UBE2Q2: variants seen among roughly 807,000 people sequenced by gnomAD.
UBE2Q2 encodes the protein ubiquitin-conjugating enzyme E2 Q2.
UBE2Q2 carries 54 observed loss-of-function variants against 59.9 expected under a neutral mutation model. That is an observed-to-expected ratio of 0.90 (90% CI 0.72 to 1.13). The LOEUF is 1.13. Ranked by LOEUF, UBE2Q2 falls within the 50% of genes most tolerant of loss-of-function variation. The probability of loss-of-function intolerance (pLI) is 0.00; values close to 1 mark genes in which losing one functional copy is unlikely to be tolerated. For missense variants in UBE2Q2, 433 were observed against 441.9 expected (o/e 0.98, Z 0.18); for synonymous variants, 165 against 155.2 (o/e 1.06, Z -0.47).
intron 3 of UBE2Q2, among the ~76,000 whole-genome samples, chr15:75,868,250 A>G (rs1043902937): frequency 3.3e-5 from 5 of 152,202 alleles, no homozygotes; most frequent in Non-Finnish European, 5.9e-5. Context: ...ATGTATAAAC[A>G]GTGTCCTGGC....
chr15:75,884,155 A>G (rs1898620886), intron 9 of UBE2Q2, among the ~76,000 whole-genome samples: 3 of 152,216 alleles, frequency 2.0e-5, no homozygotes, highest in African/African-American at 7.2e-5. Context: ...TTGTTAGGTT[A>G]GTTATGAAAT....
In UBE2Q2 at chr15:75,890,296, C is replaced by T. The variant is rs1899022837; in HGVS notation, c.885-139C>T. On this transcript the variant is annotated intron_variant, in intron 9 of 12. Coordinates refer to ENST00000267938, the MANE Select transcript of UBE2Q2 (RefSeq NM_173469.4). The stretch of plus-strand genomic sequence containing the variant: ...TTTTAAATTACCCATAGTCCTGTAT[C>T]CCTAACAACTGTTGTCATGTTTGCA... The T allele has an allele frequency of 1.3e-5, 8 of 626,812 alleles. No homozygotes were observed. In the Admixed American group the frequency reaches 2.0e-4, roughly 16 times the overall value. 38.8% of individuals were successfully genotyped at this position (626,812 alleles called of 1,614,324 possible).
At chr15:75,866,705 T>C (rs1897505400) in intron 3 of UBE2Q2, among the ~76,000 whole-genome samples, 2 of 152,162 alleles carry the variant, frequency 1.3e-5, no homozygotes, top group Admixed American at 1.3e-4. Flanking sequence ...TTTTTCTTAA[T>C]CATAAATACC....
chr15:75,866,469 G>T (rs184272985), intron 3 of UBE2Q2, among the ~76,000 whole-genome samples: 2 of 152,060 alleles, frequency 1.3e-5, no homozygotes, highest in African/African-American at 4.8e-5. Flanking sequence ...CACCGTGTCC[G>T]GCCTTCAGTA....
chr15:75,897,459 TCCGCCCGC>T (rs1899493927), intron 12 of UBE2Q2, among the ~76,000 whole-genome samples: 1 of 151,980 alleles, frequency 6.6e-6, no homozygotes, highest in African/African-American at 2.4e-5. Flanking sequence ...GACTTTGTGA[TCCGCCCGC>T]CTCGGCCTCC....
At chr15:75,886,734 A>G (rs1898796998) in intron 9 of UBE2Q2, among the ~76,000 whole-genome samples, 1 of 152,090 alleles carries the variant, frequency 6.6e-6, no homozygotes, top group Non-Finnish European at 1.5e-5. Context: ...TAAAAATACA[A>G]AAATTAGCTG....
intron 4 of UBE2Q2, 94 bp from the exon 5 acceptor site, chr15:75,873,334 C>A: frequency 1.6e-6 from 2 of 1,273,188 alleles, no homozygotes; most frequent in East Asian, 2.5e-5. Context: ...TCTTGTTCCT[C>A]ATTTGAGTCA....
chr15:75,878,949 G>T, intron 7 of UBE2Q2, 149 bp from the exon 8 acceptor site: 1 of 476,900 alleles, frequency 2.1e-6, no homozygotes, highest in East Asian at 3.4e-5. Flanking sequence ...TATTTTTCCT[G>T]GTGATACAGA....
chr15:75,884,762 A>T (rs1478897346), intron 9 of UBE2Q2, among the ~76,000 whole-genome samples: 1 of 151,966 alleles, frequency 6.6e-6, no homozygotes, highest in Non-Finnish European at 1.5e-5. Flanking sequence ...TGGGCTCAAG[A>T]TATCTTCCCA....
intron 1 of UBE2Q2, among the ~76,000 whole-genome samples, chr15:75,850,571 G>A (rs1896583619): frequency 6.6e-6 from 1 of 152,198 alleles, no homozygotes. Flanking sequence ...GGGTGGGCTG[G>A]TAGAGTCCTT....
chr15:75,875,455 C>G (rs1322043982), intron 5 of UBE2Q2, among the ~76,000 whole-genome samples: 8 of 152,188 alleles, frequency 5.3e-5, no homozygotes, highest in Admixed American at 5.2e-4. Flanking sequence ...CGCATGTAGG[C>G]AGATGTTTCT....
Position 75,843,828 on chromosome 15 carries a change from G to T in UBE2Q2, c.162G>T (p.Thr54=). Residue 54 remains threonine, a synonymous_variant, in exon 1 of 13, where the codon ACG becomes ACT. Coordinates refer to ENST00000267938, the MANE Select transcript of UBE2Q2 (RefSeq NM_173469.4). ...GSPHSLPPPL[T]LHCNITESYP... is the part of the protein sequence containing the mutation. ...CGCACTCGCTGCCGCCGCCACTCAC[G>T]CTCCACTGCAACATCACGGTGAGGC... is the stretch of plus-strand genomic sequence containing the variant. 1 of 1,595,356 alleles carries T rather than the reference G, an allele frequency of 6.3e-7. No individual in the cohort carries two copies. Among genetic ancestry groups the T allele is most frequent in the Non-Finnish European group, 8.5e-7 (1 of 1,172,890 alleles).
At chr15:75,858,875 T>TC (rs1897064453) in intron 2 of UBE2Q2, among the ~76,000 whole-genome samples, 1 of 152,244 alleles carries the variant, frequency 6.6e-6, no homozygotes, top group African/African-American at 2.4e-5. Flanking sequence ...CGTTCAACCT[T>TC]CCTCATTTTC....
At chr15:75,875,950 C>G (rs1385906846) in intron 5 of UBE2Q2, among the ~76,000 whole-genome samples, 1 of 151,080 alleles carries the variant, frequency 6.6e-6, no homozygotes, top group Non-Finnish European at 1.5e-5. Flanking sequence ...CCTGTAGTCT[C>G]AGCTACTTGG....
chr15:75,873,158 T>G (rs1897886880), intron 4 of UBE2Q2, among the ~76,000 whole-genome samples: 1 of 152,318 alleles, frequency 6.6e-6, no homozygotes, highest in Admixed American at 6.5e-5. Flanking sequence ...TAATAGGAGA[T>G]TTAGAAGATG....
At chr15:75,864,842 C>T (rs955366060) in intron 3 of UBE2Q2, among the ~76,000 whole-genome samples, 6 of 151,790 alleles carry the variant, frequency 4.0e-5, no homozygotes, top group Non-Finnish European at 5.9e-5. Context: ...TTTTATTTTG[C>T]TTTTTCTAGT....
chr15:75,852,266 T>C (rs1896670842), intron 1 of UBE2Q2, among the ~76,000 whole-genome samples: 1 of 152,202 alleles, frequency 6.6e-6, no homozygotes, highest in African/African-American at 2.4e-5. Flanking sequence ...CCATGACTAC[T>C]AGTAGTTTGG....
At position 75,883,286 on chromosome 15, in the gene UBE2Q2, A is replaced by C; in HGVS notation, c.826-80A>C. On this transcript the variant is annotated intron_variant, in intron 8 of 12. Transcript: ENST00000267938. Reference sequence around the variant, plus strand: ...GATAATAAATGTACACATTCTTTATAGTATCTTTTAAAATCTTCTAAATAG... The same window carrying C: ...GATAATAAATGTACACATTCTTTATCGTATCTTTTAAAATCTTCTAAATAG... 1.5e-5 allele frequency: 19 copies of C among 1,292,458 alleles called. 1 individual carries two copies. In the South Asian group the frequency reaches 2.5e-4, roughly 17 times the overall value. The allele number at this position is 1,292,458 out of a possible 1,614,324, so 80.1% of individuals were successfully genotyped here.
rs561318301 is a variant in UBE2Q2 at position 75,876,412 on chromosome 15, T to C, written c.673+141T>C. Reference sequence around the variant, plus strand: ...TCAGGAATGTGAAACTCAAATGCAATCAAGTTCCAAAAGATGTAGGAGTAA... The same window carrying C: ...TCAGGAATGTGAAACTCAAATGCAACCAAGTTCCAAAAGATGTAGGAGTAA... On this transcript the variant is annotated intron_variant, in intron 6 of 12. Coordinates refer to ENST00000267938, the MANE Select transcript of UBE2Q2 (RefSeq NM_173469.4). The C allele has an allele frequency of 6.9e-6, 5 of 727,190 alleles. No homozygotes were observed. In the East Asian group the frequency reaches 1.5e-4, roughly 21 times the overall value. 45.0% of individuals were successfully genotyped at this position (727,190 alleles called of 1,614,324 possible). A position where few individuals can be genotyped will look rare whatever the true frequency, so the allele number is the denominator to read the frequency against.
Sources: allele counts gnomAD v4.1 joint callset (sites outside exome capture counted in the v4.1 genomes callset), GRCh38; gene constraint gnomAD v4.1.1; transcripts MANE v1.5; gene names NCBI Gene and HGNC (gene_info 2026-07-23, HGNC 2026-07-21).